The following ANKRD26 variants were observed in gnomAD, a reference collection of about 807,000 sequenced individuals.
ANKRD26 encodes ankyrin repeat domain 26.
ANKRD26 carries 141 observed loss-of-function variants against 208.7 expected under a neutral mutation model. The ratio of observed to expected loss-of-function variants is 0.68; its 90% CI spans 0.59 to 0.78. The LOEUF (loss-of-function observed/expected upper bound fraction) is 0.78. ANKRD26 is among the 30% of genes least tolerant of loss of function. The pLI is 0.00. For missense variants in ANKRD26, 1,889 were observed against 1,938.7 expected (o/e 0.97, Z 0.48); for synonymous variants, 636 against 660.4 (o/e 0.96, Z 0.57).
At chr10:27,033,518 C>T in intron 24 of ANKRD26, 141 bp from the exon 25 acceptor site, 1 of 829,660 alleles carries the variant, frequency 1.2e-6, no homozygotes. Flanking sequence ...CCTTCTTGTC[C>T]TCATATGTAC....
chr10:27,050,688 G>T, intron 16 of ANKRD26, among the ~76,000 whole-genome samples: 1 of 152,024 alleles, frequency 6.6e-6, no homozygotes, highest in East Asian at 1.9e-4. Context: ...CCATGTTGTT[G>T]TTTAAATAAA....
At chr10:27,054,446 G>A (rs539194829) in intron 15 of ANKRD26, among the ~76,000 whole-genome samples, 53 of 152,190 alleles carry the variant, frequency 3.5e-4, no homozygotes, top group Non-Finnish European at 2.1e-4. Context: ...TGAGCTGGGC[G>A]TGGTGGTGTG....
chr10:27,006,861 T>C, intron 33 of ANKRD26, 56 bp downstream of exon 33: 1 of 1,377,664 alleles, frequency 7.3e-7, no homozygotes, highest in Non-Finnish European at 1.0e-6. Flanking sequence ...ATTTACAATT[T>C]ATTTCAGAAA....
At chr10:27,085,871 T>C (rs2056097796) in intron 5 of ANKRD26, among the ~76,000 whole-genome samples, 1 of 152,160 alleles carries the variant, frequency 6.6e-6, no homozygotes, top group Non-Finnish European at 1.5e-5. Flanking sequence ...ATAATCAACT[T>C]CCACTCAATG....
intron 5 of ANKRD26, 69 bp downstream of exon 5, chr10:27,086,470 C>T: frequency 1.9e-6 from 3 of 1,575,898 alleles, no homozygotes; most frequent in South Asian, 2.2e-5. Context: ...CTGTGATCAA[C>T]ACTTCCTTAC....
At position 27,053,376 on chromosome 10, in the gene ANKRD26, C is replaced by G. The variant is rs1401747742; in HGVS notation, c.1579G>C (p.Glu527Gln). Residue 527 changes from glutamate (E) to glutamine (Q), a missense_variant, in exon 16 of 34, where the codon GAA becomes CAA. By Grantham distance (29) the Glu-to-Gln change is conservative (BLOSUM62 2). This residue lies in a region of ANKRD26 where 1,272 missense variants were observed against 1,273.8 expected (regional missense o/e 1.00). Coordinates refer to ENST00000376087, the MANE Select transcript of ANKRD26 (RefSeq NM_014915.3). ...QTSKAAEHDL[E>Q]VASEEEQERE... ...TCTTGCTCTTCTTCTGATGCTACTT[C>G]TAAGTCATGTTCAGCTGAAAAAATC... 3.7e-6 allele frequency: 6 copies of G among 1,610,798 alleles called. No homozygotes were observed. In the African/African-American group the frequency reaches 8.0e-5, roughly 22 times the overall value.
intron 27 of ANKRD26, among the ~76,000 whole-genome samples, chr10:27,026,786 A>G (rs1244274054): frequency 6.6e-6 from 1 of 151,920 alleles, no homozygotes; most frequent in Non-Finnish European, 1.5e-5. Flanking sequence ...CTGGACTGTT[A>G]AGGTTTTGGT....
chr10:27,091,696 G>C (rs2056304119), intron 4 of ANKRD26, among the ~76,000 whole-genome samples: 1 of 152,160 alleles, frequency 6.6e-6, no homozygotes, highest in African/African-American at 2.4e-5. Context: ...TCAATATTGA[G>C]TTAAAAAGTG....
At chr10:27,037,092 T>G (rs78503631) in intron 23 of ANKRD26, 94 bp downstream of exon 23, 57,577 of 1,330,912 alleles carry the variant, frequency 0.043, 1,569 homozygotes, top group South Asian at 0.093. Flanking sequence ...CCTCGACACT[T>G]TCCAAGATGC....
chr10:27,027,033 G>A lies in ANKRD26; in HGVS notation c.3972+1819C>T, dbSNP rs555238259. On this transcript the variant is annotated intron_variant, in intron 27 of 33. Coordinates refer to ENST00000376087, the MANE Select transcript of ANKRD26 (RefSeq NM_014915.3). ...ACTCCTAACCTCAGGTGATCCACCCGCCTCGGCCTCCCAAAGTGCTGGGCA... is the reference window on the plus strand; with the variant it reads ...ACTCCTAACCTCAGGTGATCCACCCACCTCGGCCTCCCAAAGTGCTGGGCA... Among the ~76,000 whole-genome samples the A allele has an allele frequency of 3.5e-4, 54 of 152,192 alleles. 1 individual carries two copies. In the South Asian group the frequency reaches 0.011, roughly 30 times the overall value.
At chr10:27,061,061 C>T (rs2055036012) in intron 13 of ANKRD26, 83 bp downstream of exon 13, 2 of 1,039,538 alleles carry the variant, frequency 1.9e-6, no homozygotes, top group African/African-American at 3.1e-5. Context: ...TATTTCTCAT[C>T]AGAGAAAGTG....
intron 32 of ANKRD26, among the ~76,000 whole-genome samples, chr10:27,010,488 T>C (rs559022929): frequency 4.6e-5 from 7 of 152,196 alleles, no homozygotes; most frequent in African/African-American, 1.7e-4. Flanking sequence ...TTACAGAAGG[T>C]TTTTTGTTAT....
At position 27,034,832 on chromosome 10, in the gene ANKRD26, T is replaced by C; in HGVS notation, c.3618A>G (p.Arg1206=). Residue 1206 remains arginine, a synonymous_variant, in exon 24 of 34, where the codon AGA becomes AGG. Transcript: ENST00000376087. ...LISECNHLKE[R]QYQYENEKAE... ...CCTTTTCATTTTCATATTGATACTG[T>C]CTTTCTTTTAAGTGATTACATTCAC... is the stretch of plus-strand genomic sequence containing the variant. The C allele has an allele frequency of 6.2e-7, 1 of 1,611,210 alleles. No individual in the cohort carries two copies. Among genetic ancestry groups the C allele is most frequent in the Non-Finnish European group, 8.5e-7 (1 of 1,179,110 alleles).
intron 32 of ANKRD26, among the ~76,000 whole-genome samples, chr10:27,011,389 T>G (rs2053102815): frequency 6.6e-6 from 1 of 152,158 alleles, no homozygotes; most frequent in African/African-American, 2.4e-5. Flanking sequence ...TGCCCCAGCC[T>G]CCCAAGTAGC....
Position 27,046,494 on chromosome 10 carries a change from A to T in ANKRD26, c.1844T>A (p.Val615Glu), listed in dbSNP as rs376655845. The T allele has an allele frequency of 2.9e-5, 47 of 1,613,970 alleles. No homozygotes were observed. The highest frequency in any genetic ancestry group is 4.0e-5 in the Non-Finnish European group (47 of 1,180,002). ...SSGPALQMKE[V>E]KSTEKEKRTS... ...CCGTTTTTCTTTTTCAGTGCTCTTT[A>T]CTTCCTTCATTTGCAAGGCAGGACC... Residue 615 changes from valine (V) to glutamate (E), a missense_variant, in exon 18 of 34, where the codon GTA becomes GAA. This residue lies in a region of ANKRD26 where 1,272 missense variants were observed against 1,273.8 expected (regional missense o/e 1.00). Transcript: ENST00000376087.
intron 9 of ANKRD26, among the ~76,000 whole-genome samples, chr10:27,074,674 G>A (rs955120845): frequency 2.0e-5 from 3 of 151,950 alleles, no homozygotes; most frequent in South Asian, 2.1e-4. Context: ...ACTCTGTCTC[G>A]AGGGGGGAAA....
intron 8 of ANKRD26, 39 bp from the exon 9 acceptor site, chr10:27,077,579 T>C: frequency 6.2e-7 from 1 of 1,610,938 alleles, no homozygotes; most frequent in Non-Finnish European, 8.5e-7. Flanking sequence ...TGAAAATATA[T>C]GTAATTAAGA....
chr10:26,960,321 C>T, the ANKRD26 span, among the ~76,000 whole-genome samples: 2 of 152,328 alleles, frequency 1.3e-5, no homozygotes, highest in South Asian at 2.1e-4. Flanking sequence ...CTGAGCGAAG[C>T]ATTAGCTTAC....
chr10:27,005,730 T>C lies in ANKRD26; in HGVS notation c.5000-7A>G, dbSNP rs1233153404. 1.2e-6 allele frequency: 2 copies of C among 1,604,740 alleles called. No individual in the cohort carries two copies. The highest frequency in any genetic ancestry group is 4.5e-5 in the East Asian group (2 of 44,658). ...GATTCCAATTCAGCAGCAGCTAGAA[T>C]GAAAAAGAAAGAATTATATTCCTTA... is the stretch of plus-strand genomic sequence containing the variant. On this transcript the variant is annotated splice_region_variant and splice_polypyrimidine_tract_variant and intron_variant, in intron 33 of 33. Transcript: ENST00000376087.
Sources: gnomAD v4.1 joint callset for allele counts (sites outside exome capture counted in the v4.1 genomes callset) on GRCh38, gnomAD v4.1.1 for gene constraint, gnomAD v4.1.1 regional missense constraint, MANE v1.5 for transcripts, NCBI Gene and HGNC (gene_info 2026-07-23, HGNC 2026-07-21) for gene names.